The following INTS12 variants were observed in gnomAD, a reference collection of about 807,000 sequenced individuals.
The protein encoded by INTS12 is PHD finger protein 22.
INTS12 carries 13 observed loss-of-function variants against 41.6 expected under a neutral mutation model. That is an observed-to-expected ratio of 0.31 (90% CI 0.20 to 0.50). INTS12 has a LOEUF of 0.50. Ranked by LOEUF, INTS12 falls within the 20% of genes least tolerant of loss-of-function variation. The probability of loss-of-function intolerance (pLI) is 0.98; values close to 1 mark genes in which losing one functional copy is unlikely to be tolerated. For missense variants in INTS12, 432 were observed against 541.6 expected, an observed-to-expected ratio of 0.80 and a Z score of 2.01; for synonymous variants, 199 against 191.4, an observed-to-expected ratio of 1.04 and a Z score of -0.33.
chr4:105,687,266 AAC>A lies in INTS12; in HGVS notation c.658-430_658-429del, dbSNP rs375509645. Among the ~76,000 whole-genome samples, 316 of 152,306 alleles carry A rather than the reference AAC, an allele frequency of 2.1e-3. 1 individual carries two copies. Among genetic ancestry groups the A allele is most frequent in the South Asian group, 6.6e-3 (32 of 4,834 alleles). The stretch of plus-strand genomic sequence containing the variant: ...TCCTCAGTTGCTGAGGGCAAATTAA[AAC>A]ACAGCTCAGATCATTTATATGGTTT... On this transcript the variant is annotated intron_variant, in intron 6 of 7. Coordinates refer to ENST00000340139, the MANE Select transcript of INTS12 (RefSeq NM_020395.4).
chr4:105,704,183 T>C (rs1050288893), intron 1 of INTS12, among the ~76,000 whole-genome samples: 5 of 152,206 alleles, frequency 3.3e-5, no homozygotes, highest in Non-Finnish European at 7.3e-5. Context: ...AATTCAGCCT[T>C]TGTCCCACTA....
intron 1 of INTS12, among the ~76,000 whole-genome samples, chr4:105,706,885 C>T (rs1017841596): frequency 6.6e-6 from 1 of 152,082 alleles, no homozygotes; most frequent in Non-Finnish European, 1.5e-5. Context: ...GCAATAACCT[C>T]GTTATTTTCC....
chr4:105,703,534 C>T (rs886946486), intron 2 of INTS12, 114 bp downstream of exon 2: 1 of 152,212 alleles, frequency 6.6e-6, no homozygotes, highest in African/African-American at 2.4e-5. Context: ...TCTTTCAGTA[C>T]TCTAGGCACC....
chr4:105,695,119 G>A (rs1360235338), intron 4 of INTS12, among the ~76,000 whole-genome samples: 1 of 148,684 alleles, frequency 6.7e-6, no homozygotes, highest in Non-Finnish European at 1.5e-5. Flanking sequence ...TGTAGAGATG[G>A]GGTTTCATCA....
At chr4:105,700,733 A>T (rs1411268214) in intron 2 of INTS12, among the ~76,000 whole-genome samples, 1 of 151,772 alleles carries the variant, frequency 6.6e-6, no homozygotes, top group Admixed American at 6.6e-5. Context: ...ACACACACAC[A>T]CACACACACA....
At chr4:105,700,717 A>ACACACACACACACACACACG (rs1553954232) in intron 2 of INTS12, among the ~76,000 whole-genome samples, 18 of 151,084 alleles carry the variant, frequency 1.2e-4, no homozygotes, top group Non-Finnish European at 1.9e-4. Context: ...ACACACACAC[A>ACACACACACACACACACACG]CACACACACA....
chr4:105,698,099 AT>A (rs1320520652), intron 3 of INTS12, among the ~76,000 whole-genome samples: 1 of 152,220 alleles, frequency 6.6e-6, no homozygotes, highest in Non-Finnish European at 1.5e-5. Context: ...TAACTAAAAA[AT>A]TGAAGACAAA....
chr4:105,685,856 C>T (rs947520124), intron 7 of INTS12, among the ~76,000 whole-genome samples: 1 of 151,908 alleles, frequency 6.6e-6, no homozygotes, highest in Non-Finnish European at 1.5e-5. Context: ...AAAGGTGATA[C>T]CCTCACTAGA....
chr4:105,695,398 G>C (rs1731825629), intron 4 of INTS12, 118 bp downstream of exon 4: 4 of 676,458 alleles, frequency 5.9e-6, no homozygotes, highest in Non-Finnish European at 9.3e-6. Flanking sequence ...ACTGAGTGTT[G>C]ATTATTATAT....
chr4:105,699,690 T>C (rs948147896), intron 3 of INTS12, among the ~76,000 whole-genome samples, 160 bp downstream of exon 3: 1 of 152,202 alleles, frequency 6.6e-6, no homozygotes, highest in Non-Finnish European at 1.5e-5. Flanking sequence ...AACAGTTCTC[T>C]GAAAACTTGA....
At chr4:105,690,618 A>C (rs753497687) in intron 6 of INTS12, among the ~76,000 whole-genome samples, 3 of 152,316 alleles carry the variant, frequency 2.0e-5, no homozygotes, top group Non-Finnish European at 4.4e-5. Flanking sequence ...TCTATAGACT[A>C]TCTAGTTAGC....
intron 6 of INTS12, among the ~76,000 whole-genome samples, chr4:105,687,262 T>C (rs139504996): frequency 1.3e-5 from 2 of 152,206 alleles, no homozygotes; most frequent in Non-Finnish European, 2.9e-5. Flanking sequence ...TGAGGGCAAA[T>C]TAAAACACAG....
At chr4:105,690,090 C>T (rs1424669001) in intron 6 of INTS12, among the ~76,000 whole-genome samples, 1 of 152,082 alleles carries the variant, frequency 6.6e-6, no homozygotes, top group Non-Finnish European at 1.5e-5. Flanking sequence ...AGAGAAGAAG[C>T]TGAGAAGCAG....
rs150472974 is a variant in INTS12, at chr4:105,703,969, T to C, written c.-171-160A>G. On this transcript the variant is annotated intron_variant, in intron 1 of 7. Coordinates refer to ENST00000340139, the MANE Select transcript of INTS12 (RefSeq NM_020395.4). Reference sequence around the variant, plus strand: ...ACCTGGATCTGGATCCTATCTCTTCTTGTCCCCTCTTGAACCTTGGCCTAT... The same window carrying C: ...ACCTGGATCTGGATCCTATCTCTTCCTGTCCCCTCTTGAACCTTGGCCTAT... 1.3e-3 allele frequency among the ~76,000 whole-genome samples: 198 copies of C among 152,248 alleles called. 2 individuals are homozygous for C. The highest frequency in any genetic ancestry group is 4.6e-3 in the African/African-American group (192 of 41,556).
intron 1 of INTS12, among the ~76,000 whole-genome samples, chr4:105,704,189 C>T (rs1260621946): frequency 6.6e-6 from 1 of 152,116 alleles, no homozygotes; most frequent in Non-Finnish European, 1.5e-5. Flanking sequence ...GCCTTTGTCC[C>T]ACTATTCCAT....
Position 105,687,034 on chromosome 4 carries a change from A to T in INTS12, c.658-196T>A, listed in dbSNP as rs1406724047. 2.6e-5 allele frequency: 15 copies of T among 574,786 alleles called. No individual in the cohort carries two copies. The East Asian group carries it at 4.5e-4, about 17-fold the overall frequency. The allele number at this position is 574,786 out of a possible 1,614,324, so 35.6% of individuals were successfully genotyped here. ...GTCTTACAGATTGTATTAGTTTCTA[A>T]ACAGTAAAGATAATATTAAGCTTTA... On this transcript the variant is annotated intron_variant, in intron 6 of 7. Coordinates refer to ENST00000340139, the MANE Select transcript of INTS12 (RefSeq NM_020395.4).
intron 2 of INTS12, among the ~76,000 whole-genome samples, chr4:105,702,511 T>G (rs1732122142): frequency 6.6e-6 from 1 of 152,208 alleles, no homozygotes; most frequent in African/African-American, 2.4e-5. Flanking sequence ...ATATAATTGA[T>G]CTTTAACCTC....
chr4:105,692,695 C>T (rs967514838), intron 5 of INTS12, among the ~76,000 whole-genome samples: 3 of 152,048 alleles, frequency 2.0e-5, no homozygotes, highest in Admixed American at 6.5e-5. Flanking sequence ...CGTCATTTCT[C>T]GTCATAATTT....
intron 6 of INTS12, among the ~76,000 whole-genome samples, chr4:105,688,964 T>C (rs958512195): frequency 4.6e-5 from 7 of 152,232 alleles, no homozygotes; most frequent in African/African-American, 1.2e-4. Context: ...AAAATTTTCA[T>C]TGGATGACTG....
Sources: allele counts gnomAD v4.1 joint callset (sites outside exome capture counted in the v4.1 genomes callset), GRCh38; gene constraint gnomAD v4.1.1; transcripts MANE v1.5; gene names NCBI Gene and HGNC (gene_info 2026-07-23, HGNC 2026-07-21).